Variants in RIGI observed in about 807,000 individuals in gnomAD.
The protein encoded by RIGI is RNA sensor RIG-I.
At chr9:32,513,784 A>G in the RIGI span, among the ~76,000 whole-genome samples, 1 of 152,236 alleles carries the variant, frequency 6.6e-6, no homozygotes, top group African/African-American at 2.4e-5. Flanking sequence ...CATCAGAATG[A>G]ACAGGCAAAC....
chr9:32,524,300 G>A, the RIGI span, among the ~76,000 whole-genome samples: 26,098 of 152,004 alleles, frequency 0.17, 2,704 homozygotes, highest in South Asian at 0.37. Flanking sequence ...ATACTGACAC[G>A]AGTTGCTTAT....
the RIGI span, among the ~76,000 whole-genome samples, chr9:32,465,873 G>A: frequency 6.6e-6 from 1 of 152,172 alleles, no homozygotes; most frequent in African/African-American, 2.4e-5. Context: ...GATCTGAATA[G>A]GCATCCCATT....
the RIGI span, among the ~76,000 whole-genome samples, chr9:32,468,390 G>A: frequency 3.2e-4 from 49 of 152,302 alleles, no homozygotes; most frequent in South Asian, 8.7e-3. Flanking sequence ...GTCGTGCCAG[G>A]CATGGTGGTT....
At chr9:32,492,096 A>T in the RIGI span, among the ~76,000 whole-genome samples, 2 of 152,338 alleles carry the variant, frequency 1.3e-5, no homozygotes, top group Admixed American at 6.5e-5. Context: ...TATTTCTCTG[A>T]TAATCTAAAC....
chr9:32,485,219 A>G, the RIGI span: 1 of 1,610,402 alleles, frequency 6.2e-7, no homozygotes, highest in Non-Finnish European at 8.5e-7. Flanking sequence ...TGTGTCCCTC[A>G]TCAGCTGAGC....
At chr9:32,522,055 C>T in the RIGI span, among the ~76,000 whole-genome samples, 1 of 152,298 alleles carries the variant, frequency 6.6e-6, no homozygotes, top group South Asian at 2.1e-4. Flanking sequence ...ATACAGAAAA[C>T]TTCTAGGACT....
At chr9:32,496,093 G>C in the RIGI span, among the ~76,000 whole-genome samples, 161 of 152,018 alleles carry the variant, frequency 1.1e-3, 1 homozygote, top group Non-Finnish European at 1.9e-3. Flanking sequence ...GTTTCATATA[G>C]TCCCATTTGT....
chr9:32,485,009 AATAGAGGAGGACAT>A, the RIGI span, among the ~76,000 whole-genome samples: 1 of 152,236 alleles, frequency 6.6e-6, no homozygotes, highest in South Asian at 2.1e-4. Flanking sequence ...AGAAAGAAAG[AATAGAGGAGGACAT>A]ATAAGGCTCC....
At chr9:32,457,377 G>A in the RIGI span, 2 of 1,613,544 alleles carry the variant, frequency 1.2e-6, no homozygotes, top group East Asian at 2.2e-5. Context: ...TACTCACAAA[G>A]CATTCCTTAA....
chr9:32,487,371 CAGAG>C, the RIGI span: 1 of 1,181,972 alleles, frequency 8.5e-7, no homozygotes, highest in Non-Finnish European at 1.2e-6. Context: ...TTCTACTAAA[CAGAG>C]AGAGGGTCAA....
the RIGI span, among the ~76,000 whole-genome samples, chr9:32,506,309 T>C: frequency 6.6e-6 from 1 of 152,216 alleles, no homozygotes; most frequent in African/African-American, 2.4e-5. Context: ...CCTTCCAAAC[T>C]GTACTAACCC....
chr9:32,492,653 C>G, the RIGI span: 1 of 1,209,882 alleles, frequency 8.3e-7, no homozygotes, highest in East Asian at 2.4e-5. Context: ...TTGTACATTA[C>G]AGCTCAGTGG....
chr9:32,499,454 T>C, the RIGI span, among the ~76,000 whole-genome samples: 2 of 151,872 alleles, frequency 1.3e-5, no homozygotes, highest in African/African-American at 4.8e-5. Context: ...GGTTTATTTA[T>C]TTATTTATTT....
chr9:32,499,962 A>G, the RIGI span, among the ~76,000 whole-genome samples: 1 of 152,126 alleles, frequency 6.6e-6, no homozygotes, highest in East Asian at 1.9e-4. Context: ...TATAAATGCT[A>G]TTTTTTGAAT....
chr9:32,505,581 T>C, the RIGI span, among the ~76,000 whole-genome samples: 5 of 152,230 alleles, frequency 3.3e-5, no homozygotes, highest in Non-Finnish European at 7.3e-5. Context: ...GTTAAATGTA[T>C]GACTATCTTC....
At chr9:32,508,899 C>T in the RIGI span, among the ~76,000 whole-genome samples, 3 of 152,178 alleles carry the variant, frequency 2.0e-5, no homozygotes, top group Admixed American at 6.5e-5. Context: ...ACCTGGGATG[C>T]TCAAGCTTGG....
the RIGI span, chr9:32,491,364 G>C: frequency 1.2e-6 from 2 of 1,613,040 alleles, no homozygotes; most frequent in South Asian, 1.1e-5. Flanking sequence ...TAGAAAATCT[G>C]TATGTCAGAA....
chr9:32,464,194 TC>T, the RIGI span, among the ~76,000 whole-genome samples: 1 of 151,722 alleles, frequency 6.6e-6, no homozygotes, highest in African/African-American at 2.4e-5. Flanking sequence ...CCTAAAGAGC[TC>T]CAAGCTTTTG....
chr9:32,461,042 C>A, the RIGI span, among the ~76,000 whole-genome samples: 1 of 41,474 alleles, frequency 2.4e-5, no homozygotes, highest in Non-Finnish European at 5.5e-5. Flanking sequence ...TGAAAGCAGC[C>A]AGAAAAAAAA....
Sources: allele counts gnomAD v4.1 joint callset (sites outside exome capture counted in the v4.1 genomes callset), GRCh38; gene constraint gnomAD v4.1.1; transcripts MANE v1.5; gene names NCBI Gene and HGNC (gene_info 2026-07-23, HGNC 2026-07-21).